The following SCGN variants were observed in gnomAD, a reference collection of about 807,000 sequenced individuals.
SCGN encodes secretagogin.
Under a neutral mutation model 39.7 loss-of-function variants are expected in SCGN, and 30 were observed. That is an observed-to-expected ratio of 0.76 (90% CI 0.57 to 1.03). The LOEUF (loss-of-function observed/expected upper bound fraction) is 1.03. Among genes scored for constraint, SCGN ranks in the 50% least tolerant of loss-of-function variants. The pLI is 0.00. For missense variants in SCGN, 353 were observed against 349.4 expected (o/e 1.01, Z -0.08); for synonymous variants, 106 against 114.1 (o/e 0.93, Z 0.45).
At chr6:25,657,705 G>A (rs1322110041) in intron 2 of SCGN, among the ~76,000 whole-genome samples, 4 of 149,238 alleles carry the variant, frequency 2.7e-5, no homozygotes, top group Non-Finnish European at 5.9e-5. Flanking sequence ...GTGTATGTGT[G>A]TGTGTGCATA....
intron 6 of SCGN, among the ~76,000 whole-genome samples, chr6:25,676,693 A>G (rs1759566593): frequency 6.6e-6 from 1 of 152,204 alleles, no homozygotes; most frequent in Non-Finnish European, 1.5e-5. Flanking sequence ...TTTCCTCCAG[A>G]GCATTTAACA....
intron 4 of SCGN, among the ~76,000 whole-genome samples, chr6:25,668,815 T>C (rs1255481888): frequency 6.6e-6 from 1 of 152,168 alleles, no homozygotes; most frequent in East Asian, 1.9e-4. Context: ...CTATGCTATG[T>C]AATTAAAAGT....
Position 25,701,467 on chromosome 6 carries a change from G to C in SCGN, c.*132G>C, listed in dbSNP as rs561535598. ...TGTGCTATTCTTGGGCAAGAACAGG[G>C]ACGCTAGGGCCTTCCTTCCACCGGC... On this transcript the variant is annotated 3_prime_UTR_variant, in exon 11 of 11. Transcript: ENST00000377961. The C allele has an allele frequency of 1.1e-5, 12 of 1,081,580 alleles. No individual in the cohort carries two copies. The South Asian group carries it at 1.2e-4, about 11-fold the overall frequency. 67.0% of individuals were successfully genotyped at this position (1,081,580 alleles called of 1,614,324 possible). A position where few individuals can be genotyped will look rare whatever the true frequency, so the allele number is the denominator to read the frequency against.
chr6:25,654,092 T>C (rs1037940296), intron 2 of SCGN, among the ~76,000 whole-genome samples: 2 of 152,184 alleles, frequency 1.3e-5, no homozygotes, highest in Admixed American at 1.3e-4. Context: ...CAGAAACACA[T>C]GAGCGGAGGA....
At chr6:25,685,272 A>C (rs1759690962) in intron 7 of SCGN, among the ~76,000 whole-genome samples, 1 of 152,214 alleles carries the variant, frequency 6.6e-6, no homozygotes, top group Non-Finnish European at 1.5e-5. Context: ...TCGCAGCAGC[A>C]CTAGGAAACT....
chr6:25,669,797 T>A lies in SCGN; in HGVS notation c.394-202T>A, dbSNP rs184023405. Among the ~76,000 whole-genome samples, 12 of 152,324 alleles carry A rather than the reference T, an allele frequency of 7.9e-5. No homozygotes were observed. In the East Asian group the frequency reaches 1.9e-3, roughly 25 times the overall value. ...CATAATTGAGCATTTATGATAACTTTTTCACGCTGGAGCTATTCCCTGGGT... is the reference window on the plus strand; with the variant it reads ...CATAATTGAGCATTTATGATAACTTATTCACGCTGGAGCTATTCCCTGGGT... On this transcript the variant is annotated intron_variant, in intron 5 of 10. Coordinates refer to ENST00000377961, the MANE Select transcript of SCGN (RefSeq NM_006998.4).
chr6:25,693,060 C>T (rs1368795209), intron 10 of SCGN, among the ~76,000 whole-genome samples: 1 of 152,196 alleles, frequency 6.6e-6, no homozygotes, highest in African/African-American at 2.4e-5. Context: ...ACAATATTTA[C>T]TTCCCAGGGT....
intron 2 of SCGN, among the ~76,000 whole-genome samples, chr6:25,654,276 G>C (rs1465389084): frequency 2.6e-5 from 4 of 152,182 alleles, no homozygotes; most frequent in Non-Finnish European, 1.5e-5. Flanking sequence ...AGCTCAGTGA[G>C]GGAACAAGGA....
At chr6:25,670,197 G>A (rs1759477059) in intron 6 of SCGN, 121 bp downstream of exon 6, 4 of 745,004 alleles carry the variant, frequency 5.4e-6, no homozygotes, top group Non-Finnish European at 9.6e-6. Context: ...GAATGCAAGA[G>A]GAAACCTCAA....
At chr6:25,669,905 C>A (rs1759472371) in intron 5 of SCGN, 94 bp from the exon 6 acceptor site, 1 of 1,008,264 alleles carries the variant, frequency 9.9e-7, no homozygotes, top group South Asian at 1.4e-5. Flanking sequence ...CTCCTGGAAA[C>A]AAGCAACTCA....
chr6:25,700,084 A>G (rs1759890349), intron 10 of SCGN, among the ~76,000 whole-genome samples: 1 of 151,730 alleles, frequency 6.6e-6, no homozygotes, highest in Non-Finnish European at 1.5e-5. Flanking sequence ...TATCTCTACT[A>G]AAATACAAAA....
At chr6:25,660,286 CCTCTTTT>C (rs1310509487) in intron 2 of SCGN, among the ~76,000 whole-genome samples, 14 of 152,310 alleles carry the variant, frequency 9.2e-5, no homozygotes, top group Admixed American at 7.8e-4. Flanking sequence ...TCCACCGTCT[CCTCTTTT>C]CTTTGTAACC....
intron 10 of SCGN, among the ~76,000 whole-genome samples, chr6:25,698,939 C>T (rs1330037338): frequency 1.3e-5 from 2 of 152,180 alleles, no homozygotes; most frequent in African/African-American, 4.8e-5. Flanking sequence ...TGGTGTCAGT[C>T]ATTTACCCCA....
At chr6:25,692,201 G>A (rs1759781854) in intron 10 of SCGN, among the ~76,000 whole-genome samples, 1 of 152,166 alleles carries the variant, frequency 6.6e-6, no homozygotes, top group Non-Finnish European at 1.5e-5. Context: ...GATTGCTAGA[G>A]GAAAATCCCA....
At chr6:25,669,929 A>T in intron 5 of SCGN, 70 bp from the exon 6 acceptor site, 1 of 1,186,954 alleles carries the variant, frequency 8.4e-7, no homozygotes, top group South Asian at 1.3e-5. Flanking sequence ...TTCTTGAAAT[A>T]AGGCCTTTTA....
chr6:25,661,761 A>G, intron 3 of SCGN, 117 bp downstream of exon 3: 1 of 659,426 alleles, frequency 1.5e-6, no homozygotes, highest in East Asian at 3.0e-5. Flanking sequence ...ACATTTGATC[A>G]GGAAATTAGA....
chr6:25,676,787 C>G (rs1413404731), intron 6 of SCGN, among the ~76,000 whole-genome samples: 1 of 136,538 alleles, frequency 7.3e-6, no homozygotes, highest in Non-Finnish European at 1.7e-5. Context: ...CCTCTTCCAT[C>G]CCCTCTTTCC....
chr6:25,678,478 C>T (rs1184320915), intron 6 of SCGN, among the ~76,000 whole-genome samples: 6 of 152,078 alleles, frequency 3.9e-5, no homozygotes, highest in Non-Finnish European at 5.9e-5. Flanking sequence ...AGATCCCTGC[C>T]CTCATGGAGT....
At position 25,701,327 on chromosome 6, in the gene SCGN, A is replaced by G. The variant is rs756412728; in HGVS notation, c.823A>G (p.Asn275Asp). Residue 275 changes from asparagine (N) to aspartate (D), a missense_variant, in exon 11 of 11, where the codon AAC (asparagine) becomes GAC (aspartate). Transcript: ENST00000377961. The stretch of plus-strand genomic sequence containing the variant: ...GGCTTTGTGTCTTGGGCTGAAAATC[A>G]ACCCATAATCCCAGACTGCTTTGCC... ...ELALCLGLKI[N>D]P 11 of 1,612,074 alleles carry G rather than the reference A, an allele frequency of 6.8e-6. No homozygotes were observed. In the East Asian group the frequency reaches 2.0e-4, roughly 30 times the overall value.
Sources: allele counts gnomAD v4.1 joint callset (sites outside exome capture counted in the v4.1 genomes callset), GRCh38; gene constraint gnomAD v4.1.1; transcripts MANE v1.5; gene names NCBI Gene and HGNC (gene_info 2026-07-23, HGNC 2026-07-21).